The following MAX variants were observed in gnomAD, a reference collection of about 807,000 sequenced individuals.
MAX encodes MYC associated transcriptional regulator X.
In MAX, 3 loss-of-function variants were observed where a neutral mutation model predicts 22.3. The ratio of observed to expected loss-of-function variants is 0.13; its 90% CI spans 0.06 to 0.35. The LOEUF (loss-of-function observed/expected upper bound fraction) is 0.35. Ranked by LOEUF, MAX falls within the 10% of genes least tolerant of loss-of-function variation. MAX has a pLI of 1.00. For synonymous variants in MAX, 72 were observed against 77.7 expected (o/e 0.93, Z 0.39); for missense variants, 119 against 209.4 (o/e 0.57, Z 2.66).
intron 3 of MAX, among the ~76,000 whole-genome samples, chr14:65,048,370 T>A (rs2062533161): frequency 6.6e-6 from 1 of 150,984 alleles, no homozygotes; most frequent in Admixed American, 6.6e-5. Flanking sequence ...TTTTGGTAAA[T>A]GTACAAATAC....
chr14:65,061,621 G>C (rs1213027307), intron 3 of MAX: 1 of 277,868 alleles, frequency 3.6e-6, no homozygotes, highest in African/African-American at 2.1e-5. Context: ...CGATCACACA[G>C]AGATGAATGG....
At chr14:65,040,159 G>T (rs2062312193) in intron 3 of MAX, among the ~76,000 whole-genome samples, 1 of 152,004 alleles carries the variant, frequency 6.6e-6, no homozygotes, top group Non-Finnish European at 1.5e-5. Flanking sequence ...GTCAACCTAG[G>T]TAACAGAGTT....
In MAX at chr14:65,075,193, T is replaced by C; in HGVS notation, c.*1283A>G. 9.6e-7 allele frequency: 1 copy of C among 1,042,772 alleles called. No homozygotes were observed. Among genetic ancestry groups the C allele is most frequent in the African/African-American group, 1.7e-5 (1 of 59,812 alleles). The allele number at this position is 1,042,772 out of a possible 1,614,324, so 64.6% of individuals were successfully genotyped here. A position where few individuals can be genotyped will look rare whatever the true frequency, so the allele number is the denominator to read the frequency against. On this transcript the variant is annotated 3_prime_UTR_variant, in exon 5 of 5. Coordinates refer to ENST00000358664, the MANE Select transcript of MAX (RefSeq NM_002382.5). The surrounding 1 kb of genome is among the most constrained non-coding windows in gnomAD (Gnocchi z 4.1). ...GGGAAGCCTTAACTTGCAAGACAATTCTTCGGCAGTATGTACAACATACTT... is the reference window on the plus strand; with the variant it reads ...GGGAAGCCTTAACTTGCAAGACAATCCTTCGGCAGTATGTACAACATACTT...
At chr14:65,034,891 C>T (rs767758088) in intron 3 of MAX, among the ~76,000 whole-genome samples, 7 of 152,088 alleles carry the variant, frequency 4.6e-5, no homozygotes, top group Non-Finnish European at 7.4e-5. Flanking sequence ...TACAACAGAA[C>T]GGTATGGATT....
chr14:65,016,817 A>T (rs2061781976), intron 3 of MAX, among the ~76,000 whole-genome samples: 1 of 152,084 alleles, frequency 6.6e-6, no homozygotes. Flanking sequence ...TGTTTTGATC[A>T]TCGGGATGCC....
chr14:65,055,882 T>C (rs1018366146), intron 3 of MAX, among the ~76,000 whole-genome samples: 1 of 152,198 alleles, frequency 6.6e-6, no homozygotes, highest in African/African-American at 2.4e-5. Context: ...CAATAGATAG[T>C]TGAAAAGATG....
In MAX at chr14:65,031,979, C is replaced by CGTGTGTGTGTGTGTGTGTGTGTGT. The variant is rs563468928; in HGVS notation, c.172-25719_172-25696dup. Reference sequence around the variant, plus strand: ...ATAGACGTGCGCCTTTTTCATTTAACGTGTGTGTGTGTGTGTGTGTGTGTG... The same window carrying CGTGTGTGTGTGTGTGTGTGTGTGT: ...ATAGACGTGCGCCTTTTTCATTTAACGTGTGTGTGTGTGTGTGTGTGTGTGTGTGTGTGTGTGTGTGTGTGTGTG... On this transcript the variant is annotated intron_variant, in intron 3 of 3. Transcript: ENST00000341653. The surrounding 1 kb of genome is among the most constrained non-coding windows in gnomAD (Gnocchi z 4.6). Among the ~76,000 whole-genome samples the CGTGTGTGTGTGTGTGTGTGTGTGT allele has an allele frequency of 7.5e-4, 106 of 141,280 alleles. No individual in the cohort carries two copies. Among genetic ancestry groups the CGTGTGTGTGTGTGTGTGTGTGTGT allele is most frequent in the Middle Eastern group, 3.5e-3 (1 of 284 alleles). 92.7% of individuals were successfully genotyped at this position (141,280 alleles called of 152,430 possible).
chr14:65,044,658 G>C lies in MAX; in HGVS notation c.172-38374C>G, dbSNP rs2062434801. On this transcript the variant is annotated intron_variant, in intron 3 of 3. Coordinates refer to the MAX transcript ENST00000341653. The surrounding 1 kb of genome is among the most constrained non-coding windows in gnomAD (Gnocchi z 5.5). ...GTGTCATTCTTTGCTTCTTCAAATTGGCTGCGACAGAATGAGCTTCCTTGA... is the reference window on the plus strand; with the variant it reads ...GTGTCATTCTTTGCTTCTTCAAATTCGCTGCGACAGAATGAGCTTCCTTGA... 1 of 721,014 alleles carries C rather than the reference G, an allele frequency of 1.4e-6. No homozygotes were observed. Among genetic ancestry groups the C allele is most frequent in the African/African-American group, 1.9e-5 (1 of 53,316 alleles). The allele number at this position is 721,014 out of a possible 1,614,324, so 44.7% of individuals were successfully genotyped here.
At chr14:65,074,591 A>G (rs947252165), downstream of MAX, among the ~76,000 whole-genome samples, 1 of 152,248 alleles carries the variant, frequency 6.6e-6, no homozygotes, top group Non-Finnish European at 1.5e-5. Flanking sequence ...CGTTCTGGCC[A>G]TAATTCCTTT....
chr14:65,073,637 T>C (rs1290530938), downstream of MAX, among the ~76,000 whole-genome samples: 4 of 152,322 alleles, frequency 2.6e-5, no homozygotes, highest in African/African-American at 7.2e-5. Flanking sequence ...TTACCATTAC[T>C]GTGAGAGAGT....
chr14:65,100,612 C>T (rs2063803157), intron 2 of MAX, among the ~76,000 whole-genome samples: 1 of 152,126 alleles, frequency 6.6e-6, no homozygotes, highest in Non-Finnish European at 1.5e-5. Context: ...TCTTTATGGC[C>T]CTCATGGGCA....
chr14:65,014,992 C>G lies in MAX; in HGVS notation c.172-8708G>C, dbSNP rs11624169. ...TACCGAGAAAATAGCAGCCCCTAAC[C>G]TCCTGGCCTGTAGGAAGTCCTCTGC... On this transcript the variant is annotated intron_variant, in intron 3 of 3. Coordinates refer to the MAX transcript ENST00000341653. This position sits in a 1 kb window ranked among gnomAD's most constrained non-coding sequence, Gnocchi z 5.1. Among the ~76,000 whole-genome samples, 37,733 of 151,920 alleles carry G rather than the reference C, an allele frequency of 0.25. 4,872 individuals are homozygous for G. Among genetic ancestry groups the G allele is most frequent in the Non-Finnish European group, 0.3 (20,041 of 67,900 alleles).
Position 65,076,823 on chromosome 14 carries a change from A to T in MAX, c.296-160T>A. On this transcript the variant is annotated intron_variant, in intron 4 of 4. Coordinates refer to ENST00000358664, the MANE Select transcript of MAX (RefSeq NM_002382.5). This position sits in a 1 kb window ranked among gnomAD's most constrained non-coding sequence, Gnocchi z 6.6. Reference sequence around the variant, plus strand: ...GCTCCCTTCGGGTGGCTGTTCACTCACACACTTCATTTCCCTCCCGCCTTT... The same window carrying T: ...GCTCCCTTCGGGTGGCTGTTCACTCTCACACTTCATTTCCCTCCCGCCTTT... 1 of 769,016 alleles carries T rather than the reference A, an allele frequency of 1.3e-6. No individual in the cohort carries two copies. The highest frequency in any genetic ancestry group is 2.3e-6 in the Non-Finnish European group (1 of 443,704). The allele number at this position is 769,016 out of a possible 1,614,324, so 47.6% of individuals were successfully genotyped here. A position where few individuals can be genotyped will look rare whatever the true frequency, so the allele number is the denominator to read the frequency against.
chr14:65,102,445 ACACT>A lies in MAX; in HGVS notation c.-110_-107del, dbSNP rs556734672. The A allele has an allele frequency of 0.011, 17,075 of 1,544,108 alleles. 122 individuals carry two copies. Among genetic ancestry groups the A allele is most frequent in the Non-Finnish European group, 0.013 (14,437 of 1,146,640 alleles). ...AACAAGCCGAGTCCCCCCCACACAC[ACACT>A]CACTCACTCACTCACTCGCTCTCTC... On this transcript the variant is annotated 5_prime_UTR_variant, in exon 1 of 5. Transcript: ENST00000358664.
intron 3 of MAX, among the ~76,000 whole-genome samples, chr14:65,033,045 G>A (rs545799723): frequency 2.6e-5 from 4 of 152,258 alleles, no homozygotes; most frequent in African/African-American, 4.8e-5. Flanking sequence ...TTGCACACAC[G>A]AATGGGAGAG....
In MAX at chr14:65,093,853, C is replaced by T; in HGVS notation, c.64-38G>A. ...GAGAAAGAACACATTAGGAATGTCA[C>T]TCCTTTTGCTTGGTACAAGGTGGGT... On this transcript the variant is annotated intron_variant, in intron 2 of 4. Coordinates refer to ENST00000358664, the MANE Select transcript of MAX (RefSeq NM_002382.5). This position sits in a 1 kb window ranked among gnomAD's most constrained non-coding sequence, Gnocchi z 4.4. 1 of 1,186,620 alleles carries T rather than the reference C, an allele frequency of 8.4e-7. No individual in the cohort carries two copies. The highest frequency in any genetic ancestry group is 2.3e-5 in the East Asian group (1 of 42,902). 73.5% of individuals were successfully genotyped at this position (1,186,620 alleles called of 1,614,324 possible). A position where few individuals can be genotyped will look rare whatever the true frequency, so the allele number is the denominator to read the frequency against.
chr14:65,098,318 C>A (rs80204132), intron 2 of MAX, among the ~76,000 whole-genome samples: 2,331 of 152,258 alleles, frequency 0.015, 28 homozygotes, highest in Admixed American at 0.024. Context: ...ATTCCAATCT[C>A]GGAGGCTACC....
rs532344846 is a variant in MAX at position 65,098,930 on chromosome 14, A to T, written c.63+2616T>A. Reference sequence around the variant, plus strand: ...GTAGTGACATTATAAAACATACATGAATGTTTTTATATTAGGATCCACAGA... The same window carrying T: ...GTAGTGACATTATAAAACATACATGTATGTTTTTATATTAGGATCCACAGA... On this transcript the variant is annotated intron_variant, in intron 2 of 4. Transcript: ENST00000358664. 6.3e-4 allele frequency among the ~76,000 whole-genome samples: 96 copies of T among 152,288 alleles called. 1 individual carries two copies. The highest frequency in any genetic ancestry group is 2.3e-3 in the African/African-American group (94 of 41,564).
chr14:65,095,052 G>A (rs545166275), intron 2 of MAX, among the ~76,000 whole-genome samples: 1 of 152,332 alleles, frequency 6.6e-6, no homozygotes, highest in South Asian at 2.1e-4. Flanking sequence ...TAGAGAAGAT[G>A]TACAGACAAA....
Sources: allele counts gnomAD v4.1 joint callset (sites outside exome capture counted in the v4.1 genomes callset), GRCh38; gene constraint gnomAD v4.1.1; non-coding constraint Gnocchi (gnomAD v3.1); transcripts MANE v1.5; gene names NCBI Gene and HGNC (gene_info 2026-07-23, HGNC 2026-07-21).